Variants in BBS9 observed in about 807,000 individuals in gnomAD.
The protein encoded by BBS9 is Bardet-Biedl syndrome 9.
A neutral mutation model predicts 117.7 loss-of-function variants in BBS9; 89 were observed. The ratio of observed to expected loss-of-function variants is 0.76; its 90% confidence interval spans 0.64 to 0.90. The LOEUF (loss-of-function observed/expected upper bound fraction) is 0.90. BBS9 is among the 40% of genes least tolerant of loss of function. The pLI is 0.00. For missense variants in BBS9, 982 were observed against 1,042.2 expected (o/e 0.94, Z 0.80); for synonymous variants, 379 against 370.9 (o/e 1.02, Z -0.25).
At position 33,254,046 on chromosome 7, in the gene BBS9, A is replaced by G. The variant is rs532680688; in HGVS notation, c.443-3190A>G. On this transcript the variant is annotated intron_variant, in intron 5 of 22. Coordinates refer to ENST00000242067, the MANE Select transcript of BBS9 (RefSeq NM_198428.3). Reference sequence around the variant, plus strand: ...CAAACTATATTAAATCCACTTAACAATGATATTTCTCTTTTTGAGATATAT... The same window carrying G: ...CAAACTATATTAAATCCACTTAACAGTGATATTTCTCTTTTTGAGATATAT... Among the ~76,000 whole-genome samples the G allele has an allele frequency of 2.6e-4, 40 of 152,332 alleles. 1 individual carries two copies. The highest frequency in any genetic ancestry group is 8.7e-4 in the African/African-American group (36 of 41,590).
At chr7:33,514,318 T>G (rs544464389) in intron 20 of BBS9, among the ~76,000 whole-genome samples, 92 of 152,296 alleles carry the variant, frequency 6.0e-4, no homozygotes, top group Middle Eastern at 3.4e-3. Flanking sequence ...CTTTTTATAT[T>G]CTTACTGAAC....
chr7:33,420,519 C>T (rs1410599112), intron 19 of BBS9, among the ~76,000 whole-genome samples: 1 of 152,100 alleles, frequency 6.6e-6, no homozygotes, highest in East Asian at 1.9e-4. Flanking sequence ...GAGGTTTGGG[C>T]AGGAATCCAT....
chr7:33,253,792 T>C (rs1015000350), intron 5 of BBS9, among the ~76,000 whole-genome samples: 1 of 152,138 alleles, frequency 6.6e-6, no homozygotes, highest in South Asian at 2.1e-4. Context: ...AGTTGGTCCA[T>C]GTAAGGGCAT....
intron 1 of BBS9, among the ~76,000 whole-genome samples, chr7:33,132,952 A>T (rs1789854539): frequency 6.6e-6 from 1 of 151,870 alleles, no homozygotes; most frequent in Non-Finnish European, 1.5e-5. Flanking sequence ...AATAATTTTT[A>T]TTTTTTCTGC....
intron 6 of BBS9, among the ~76,000 whole-genome samples, chr7:33,262,304 A>C (rs1417492933): frequency 1.3e-5 from 2 of 152,176 alleles, no homozygotes; most frequent in Non-Finnish European, 2.9e-5. Context: ...TATAAGCTTC[A>C]AACAGCTCAA....
chr7:33,524,908 G>A (rs1350007147), intron 20 of BBS9, among the ~76,000 whole-genome samples: 86 of 152,182 alleles, frequency 5.7e-4, no homozygotes, highest in South Asian at 8.3e-4. Flanking sequence ...TTCCCTGTAC[G>A]CACTGCTTTG....
intron 9 of BBS9, among the ~76,000 whole-genome samples, chr7:33,322,575 C>T (rs1811963214): frequency 6.6e-6 from 1 of 151,864 alleles, no homozygotes; most frequent in African/African-American, 2.4e-5. Flanking sequence ...TTTGCAATAT[C>T]AGTTGTACTG....
intron 19 of BBS9, among the ~76,000 whole-genome samples, chr7:33,463,377 G>A (rs115988193): frequency 0.011 from 1,642 of 152,098 alleles, 33 homozygotes; most frequent in African/African-American, 0.038. Flanking sequence ...CCTGCATCTT[G>A]CTCTGTAGAT....
At chr7:33,598,952 A>G (rs1863369654) in intron 21 of BBS9, among the ~76,000 whole-genome samples, 1 of 152,208 alleles carries the variant, frequency 6.6e-6, no homozygotes, top group African/African-American at 2.4e-5. Context: ...ATAAAGTTTT[A>G]TTGGAACACA....
chr7:33,242,988 C>T (rs761044207), intron 5 of BBS9: 1 of 518,604 alleles, frequency 1.9e-6, no homozygotes, highest in African/African-American at 1.9e-5. Context: ...CCTTAGGTCT[C>T]TCCACAGTAA....
chr7:33,455,198 C>T (rs974333977), intron 19 of BBS9, among the ~76,000 whole-genome samples: 8 of 151,968 alleles, frequency 5.3e-5, no homozygotes, highest in African/African-American at 1.9e-4. Flanking sequence ...ACTTGACCTC[C>T]TCAGACTTCA....
At chr7:33,608,140 G>A (rs1304563645), downstream of BBS9, among the ~76,000 whole-genome samples, 1 of 152,066 alleles carries the variant, frequency 6.6e-6, no homozygotes. Context: ...GTGAGAACAT[G>A]TGGTATTTGG....
chr7:33,203,030 T>C (rs1786178642), intron 5 of BBS9, among the ~76,000 whole-genome samples: 1 of 152,178 alleles, frequency 6.6e-6, no homozygotes. Flanking sequence ...GGGCTCCAAG[T>C]GGCCCAGCTT....
intron 9 of BBS9, among the ~76,000 whole-genome samples, chr7:33,295,064 T>C (rs1342949697): frequency 6.6e-6 from 1 of 152,156 alleles, no homozygotes; most frequent in African/African-American, 2.4e-5. Context: ...AATGGGCATA[T>C]TGAACATTTA....
At chr7:33,514,303 G>T (rs1231826706) in intron 20 of BBS9, among the ~76,000 whole-genome samples, 1 of 152,144 alleles carries the variant, frequency 6.6e-6, no homozygotes, top group African/African-American at 2.4e-5. Context: ...ATTTCAGGTT[G>T]CTTTCTTTTT....
chr7:33,509,074 A>G (rs537546726), intron 20 of BBS9, among the ~76,000 whole-genome samples: 82 of 152,322 alleles, frequency 5.4e-4, no homozygotes, highest in South Asian at 2.9e-3. Flanking sequence ...GAAGGTATGT[A>G]TACTCATTAT....
At chr7:33,170,609 T>C (rs1420602416) in intron 4 of BBS9, among the ~76,000 whole-genome samples, 2 of 151,360 alleles carry the variant, frequency 1.3e-5, no homozygotes, top group African/African-American at 2.4e-5. Context: ...CCAGGGCAAT[T>C]AGGCAGGAGA....
intron 19 of BBS9, chr7:33,390,265 A>G: frequency 1.0e-6 from 1 of 985,382 alleles, no homozygotes; most frequent in Non-Finnish European, 1.2e-6. Context: ...ATTTAAAGGA[A>G]CTTGAAGAGG....
chr7:33,600,684 G>A (rs899084754), intron 21 of BBS9, among the ~76,000 whole-genome samples: 35 of 152,128 alleles, frequency 2.3e-4, no homozygotes, highest in Admixed American at 2.3e-3. Context: ...CTCAGAAAAT[G>A]AGGACACAGT....
Sources: allele counts gnomAD v4.1 joint callset (sites outside exome capture counted in the v4.1 genomes callset), GRCh38; gene constraint gnomAD v4.1.1; transcripts MANE v1.5; gene names NCBI Gene and HGNC (gene_info 2026-07-23, HGNC 2026-07-21).